MELTF: variants seen among roughly 807,000 people sequenced by gnomAD.
MELTF encodes the protein melanotransferrin, also known as antigen p97 (melanoma associated) identified by monoclonal antibodies 133.2 and 96.5.
In MELTF, 67 loss-of-function variants were observed where a neutral mutation model predicts 83.7. The observed-to-expected ratio is 0.80, with a 90% confidence interval of 0.66 to 0.98. The LOEUF (loss-of-function observed/expected upper bound fraction) is 0.98. Ranked by LOEUF, MELTF falls within the 50% of genes least tolerant of loss-of-function variation. MELTF has a pLI of 0.00. For synonymous variants in MELTF, 462 were observed against 447.6 expected, an observed-to-expected ratio of 1.03 and a Z score of -0.41; for missense variants, 1,002 against 1,035.6, an observed-to-expected ratio of 0.97 and a Z score of 0.44.
intron 6 of MELTF, chr3:197,019,195 C>T (rs1719521612): frequency 1.0e-6 from 1 of 1,002,708 alleles, no homozygotes; most frequent in Non-Finnish European, 1.2e-6. Flanking sequence ...CCCCGCTTCC[C>T]AACTTTCCTG....
intron 1 of MELTF, chr3:197,028,343 CG>C (rs1719948402): frequency 6.2e-6 from 1 of 161,030 alleles, no homozygotes; most frequent in South Asian, 1.9e-4. Context: ...TGAACTGGGA[CG>C]GGAGAGTGAG....
chr3:197,012,961 G>A (rs1485176605), intron 9 of MELTF, among the ~76,000 whole-genome samples: 1 of 152,208 alleles, frequency 6.6e-6, no homozygotes, highest in African/African-American at 2.4e-5. Context: ...TGAAAGAAAA[G>A]TTTCCGTTCA....
At chr3:197,019,654 T>A (rs145844728) in intron 6 of MELTF, 1 of 1,612,694 alleles carries the variant, frequency 6.2e-7, no homozygotes, top group African/African-American at 1.3e-5. Flanking sequence ...TTCTCCTTTG[T>A]CAGACTCGTC....
rs984467398 is a variant in MELTF at position 197,011,087 on chromosome 3, C to T, written c.1234-293G>A. Among the ~76,000 whole-genome samples the T allele has an allele frequency of 3.3e-5, 5 of 152,242 alleles. No individual in the cohort carries two copies. The highest frequency in any genetic ancestry group is 3.3e-4 in the Admixed American group (5 of 15,292). ...GTGTCCCTGCTCTGAGCAAAGCAAG[C>T]GCGATCCCTACCCTCATGCTTGGCG... is the stretch of plus-strand genomic sequence containing the variant. On this transcript the variant is annotated intron_variant, in intron 9 of 15. Transcript: ENST00000296350. The surrounding 1 kb of genome is among the most constrained non-coding windows in gnomAD (Gnocchi z 4.2).
At chr3:197,017,520 T>C (rs770607793) in intron 6 of MELTF, among the ~76,000 whole-genome samples, 1 of 152,196 alleles carries the variant, frequency 6.6e-6, no homozygotes, top group Non-Finnish European at 1.5e-5. Flanking sequence ...CTAAAGTGAA[T>C]TGGAGGTATC....
rs1037639116 is a variant in MELTF, at chr3:197,022,266, G to A, written c.644+691C>T. Reference sequence around the variant, plus strand: ...GCGGGCGACATCAGGAGAGGGCTCTGAGGCTCCAAGAGAGCCAGAGAGAAT... The same window carrying A: ...GCGGGCGACATCAGGAGAGGGCTCTAAGGCTCCAAGAGAGCCAGAGAGAAT... On this transcript the variant is annotated intron_variant, in intron 5 of 15. Transcript: ENST00000296350. This position sits in a 1 kb window ranked among gnomAD's most constrained non-coding sequence, Gnocchi z 5.1. Among the ~76,000 whole-genome samples the A allele has an allele frequency of 2.0e-5, 3 of 152,164 alleles. No individual in the cohort carries two copies. Among genetic ancestry groups the A allele is most frequent in the Non-Finnish European group, 4.4e-5 (3 of 68,032 alleles).
chr3:197,009,081 A>G (rs1719088674), intron 11 of MELTF, 116 bp from the exon 12 acceptor site: 2 of 1,222,414 alleles, frequency 1.6e-6, no homozygotes, highest in South Asian at 2.7e-5. Flanking sequence ...CTGCAAGGCC[A>G]CCTGTCTGCT....
In MELTF at chr3:197,002,712, T is replaced by TGGCC. The variant is rs1560207471; in HGVS notation, c.*656_*659dup. ...TCGGGAGGGGGCCCGTGGACGCGGC[T>TGGCC]GGCCCGGGATGGAGCTGGCGCGGCC... On this transcript the variant is annotated 3_prime_UTR_variant, in exon 16 of 16. Coordinates refer to ENST00000296350, the MANE Select transcript of MELTF (RefSeq NM_005929.6). The TGGCC allele has an allele frequency of 6.6e-6, 1 of 152,300 alleles. No homozygotes were observed. The highest frequency in any genetic ancestry group is 2.4e-5 in the African/African-American group (1 of 41,432). 9.4% of individuals were successfully genotyped at this position (152,300 alleles called of 1,614,324 possible). A position where few individuals can be genotyped will look rare whatever the true frequency, so the allele number is the denominator to read the frequency against.
intron 14 of MELTF, among the ~76,000 whole-genome samples, chr3:197,005,811 T>G (rs1273866276): frequency 6.6e-6 from 1 of 151,762 alleles, no homozygotes; most frequent in African/African-American, 2.4e-5. Context: ...TCTCCATCCT[T>G]AAGAGGGGCC....
chr3:197,027,771 G>A lies in MELTF; in HGVS notation c.189C>T (p.Cys63=), dbSNP rs1719917823. 5.0e-6 allele frequency: 8 copies of A among 1,610,130 alleles called. No homozygotes were observed. The highest frequency in any genetic ancestry group is 1.1e-5 in the South Asian group (1 of 90,598). The change falls in exon 2 of 16, where the codon TGC becomes TGT. Residue 63 remains cysteine, a synonymous_variant. Transcript: ENST00000296350. ...GAGGACTCACCGCGATGAGCTGGAC[G>A]CAGTGGTCGGCGGAGGTGCCCCGGA... The part of the protein sequence containing the change: ...LCVRGTSADH[C]VQLIAAQEAD...
At chr3:197,025,150 A>G (rs1343372469) in intron 3 of MELTF, among the ~76,000 whole-genome samples, 1 of 152,238 alleles carries the variant, frequency 6.6e-6, no homozygotes, top group Non-Finnish European at 1.5e-5. Context: ...GGCAAAACAC[A>G]GACTCAGCTG....
rs1718746525 is a variant in MELTF, at chr3:197,001,962, C to T, written c.*1410G>A. The T allele has an allele frequency of 6.6e-6, 1 of 152,276 alleles. No individual in the cohort carries two copies. Among genetic ancestry groups the T allele is most frequent in the African/African-American group, 2.4e-5 (1 of 41,452 alleles). The allele number at this position is 152,276 out of a possible 1,614,324, so 9.4% of individuals were successfully genotyped here. ...ACACACTTCTCACCGCACAAAACTC[C>T]CTTTTGAAAAAACCAAGCAATCGTC... is the stretch of plus-strand genomic sequence containing the variant. On this transcript the variant is annotated 3_prime_UTR_variant, in exon 16 of 16. Transcript: ENST00000296350.
chr3:197,019,669 G>A (rs1719540448), intron 6 of MELTF: 3 of 1,613,606 alleles, frequency 1.9e-6, no homozygotes, highest in Non-Finnish European at 8.5e-7. Context: ...CTCGTCCTGG[G>A]GCCTGTGAAC....
At position 197,008,924 on chromosome 3, in the gene MELTF, T is replaced by C. The variant is rs1026289463; in HGVS notation, c.1567A>G (p.Asn523Asp). 4.3e-6 allele frequency: 7 copies of C among 1,614,018 alleles called. No individual in the cohort carries two copies. The highest frequency in any genetic ancestry group is 5.1e-6 in the Non-Finnish European group (6 of 1,179,960). The change falls in exon 12 of 16, where the codon AAC becomes GAC. Residue 523 changes from asparagine to aspartate, a missense_variant. Transcript: ENST00000296350. The surrounding 1 kb of genome is among the most constrained non-coding windows in gnomAD (Gnocchi z 5.4). ...FFNASCVPVN[N>D]PKNYPSSLCA... ...AGCGAGGAGGGGTAGTTCTTGGGGT[T>C]GTTCACGGGCACGCAGCTGGCATTG...
At chr3:197,023,157 A>G (rs778123229) in intron 4 of MELTF, 44 bp from the exon 5 acceptor site, 5 of 1,607,534 alleles carry the variant, frequency 3.1e-6, no homozygotes, top group Non-Finnish European at 4.3e-6. Flanking sequence ...AACTTTCTTC[A>G]GAGCCAAGCC....
chr3:197,009,582 C>A (rs1378918554), intron 11 of MELTF, 36 bp downstream of exon 11: 1 of 1,581,822 alleles, frequency 6.3e-7, no homozygotes. Context: ...CCAGAGAAGG[C>A]TTCCCCAGTC....
At chr3:197,027,085 G>A (rs1432478912) in intron 2 of MELTF, 1 of 323,814 alleles carries the variant, frequency 3.1e-6, no homozygotes, top group Non-Finnish European at 5.9e-6. Context: ...TCCACCCTGC[G>A]CCTCTACTGC....
chr3:197,029,675 G>T lies in MELTF; in HGVS notation c.28C>A (p.Leu10Met). The change falls in exon 1 of 16, where the codon CTG (leucine) becomes ATG (methionine). Residue 10 changes from leucine to methionine, a missense_variant. Transcript: ENST00000296350. The surrounding 1 kb of genome is among the most constrained non-coding windows in gnomAD (Gnocchi z 6.5). ...TCACCGGTGCGCAGAGCCAGGAGCA[G>T]CCACAGAGCCCCGCTCGGACCCCGC... MRGPSGALW[L>M]LLALRTVLGG... 1 of 1,247,382 alleles carries T rather than the reference G, an allele frequency of 8.0e-7. No homozygotes were observed. The highest frequency in any genetic ancestry group is 3.1e-5 in the East Asian group (1 of 32,592). The allele number at this position is 1,247,382 out of a possible 1,614,324, so 77.3% of individuals were successfully genotyped here.
chr3:197,015,205 T>C (rs1442423325), intron 9 of MELTF, among the ~76,000 whole-genome samples, 160 bp downstream of exon 9: 1 of 151,482 alleles, frequency 6.6e-6, no homozygotes, highest in Non-Finnish European at 1.5e-5. Context: ...CTGGGGTGGG[T>C]GCTGGCCCCT....
Sources: gnomAD v4.1 joint callset for allele counts (sites outside exome capture counted in the v4.1 genomes callset) on GRCh38, gnomAD v4.1.1 for gene constraint, Gnocchi (gnomAD v3.1) non-coding constraint, MANE v1.5 for transcripts, NCBI Gene and HGNC (gene_info 2026-07-23, HGNC 2026-07-21) for gene names.